DNAJA3: variants seen among roughly 807,000 people sequenced by gnomAD.
The protein encoded by DNAJA3 is dnaJ homolog subfamily A member 3, mitochondrial.
In DNAJA3, 29 loss-of-function variants were observed where a neutral mutation model predicts 54.9. The observed-to-expected ratio is 0.53, with a 90% CI of 0.39 to 0.72. The LOEUF is 0.72. DNAJA3 is among the 30% of genes least tolerant of loss of function. DNAJA3 has a pLI of 0.00. For synonymous variants in DNAJA3, 302 were observed against 251.4 expected (o/e 1.20, Z -1.90); for missense variants, 708 against 639.4 (o/e 1.11, Z -1.16).
intron 3 of DNAJA3, chr16:4,440,972 T>G (rs2056830083): frequency 5.0e-6 from 1 of 201,844 alleles, no homozygotes; most frequent in Non-Finnish European, 1.0e-5. Context: ...ACTCCGGTTG[T>G]TCTGGCTTGC....
rs1248556900 is a variant in DNAJA3 at position 4,446,955 on chromosome 16, C to G, written c.1066C>G (p.Gln356Glu). Residue 356 changes from glutamine to glutamate, a missense_variant, in exon 8 of 12, where the codon CAG becomes GAG. Transcript: ENST00000262375. ...IHSDLFISIAQALLGGTARAQ... is the reference protein window; with the variant it reads ...IHSDLFISIAEALLGGTARAQ... ...CTCCGACCTCTTTATTTCTATAGCT[C>G]AGGCTCTTCTTGGGGGTACAGCCAG... 6.2e-7 allele frequency: 1 copy of G among 1,614,084 alleles called. No homozygotes were observed. The highest frequency in any genetic ancestry group is 8.5e-7 in the Non-Finnish European group (1 of 1,180,048).
intron 1 of DNAJA3, chr16:4,430,918 C>G (rs1286906047): frequency 6.6e-6 from 1 of 151,952 alleles, no homozygotes; most frequent in East Asian, 1.9e-4. Flanking sequence ...GTGGTGTGCG[C>G]CTATAGTCCT....
In DNAJA3 at chr16:4,426,062, C is replaced by T; in HGVS notation, c.181C>T (p.Leu61=). The change falls in exon 1 of 12, where the codon CTG becomes TTG. Residue 61 remains leucine (L), a synonymous_variant. Transcript: ENST00000262375. The stretch of plus-strand genomic sequence containing the variant: ...GACCTCTTGCGGCCCCCGAGCGCTG[C>T]TGACATTGAGACCTGGTGTCAGCCT... ...SLTSCGPRAL[L]TLRPGVSLTG... The T allele has an allele frequency of 1.2e-6, 2 of 1,602,566 alleles. No homozygotes were observed. Among genetic ancestry groups the T allele is most frequent in the Non-Finnish European group, 1.7e-6 (2 of 1,175,128 alleles).
intron 1 of DNAJA3, chr16:4,431,494 C>T (rs954420459): frequency 6.6e-6 from 1 of 152,156 alleles, no homozygotes; most frequent in Non-Finnish European, 1.5e-5. Flanking sequence ...TTTACCTGGC[C>T]TCCTACTTGG....
At chr16:4,448,666 T>G in intron 8 of DNAJA3, 67 bp from the exon 9 acceptor site, 2 of 1,068,598 alleles carry the variant, frequency 1.9e-6, no homozygotes, top group Non-Finnish European at 2.9e-6. Context: ...ATTGTCTTCA[T>G]GTAGTGAAAA....
intron 1 of DNAJA3, among the ~76,000 whole-genome samples, chr16:4,428,102 C>T (rs1352850939): frequency 3.9e-5 from 1 of 25,882 alleles, no homozygotes; most frequent in Non-Finnish European, 1.7e-4. Flanking sequence ...CAGGCGCCCG[C>T]CACCACGCCC....
At position 4,443,012 on chromosome 16, in the gene DNAJA3, A is replaced by G. The variant is rs2056855328; in HGVS notation, c.784-5A>G. ...TTAGGTTACCATTTTTCTTGTTTTT[A>G]TCAGGAAACCATCAACACAGGCCCT... On this transcript the variant is annotated splice_polypyrimidine_tract_variant and splice_region_variant and intron_variant, in intron 5 of 11. Coordinates refer to ENST00000262375, the MANE Select transcript of DNAJA3 (RefSeq NM_005147.6). 1.2e-6 allele frequency: 2 copies of G among 1,605,098 alleles called. No homozygotes were observed. The highest frequency in any genetic ancestry group is 2.2e-5 in the East Asian group (1 of 44,856).
Position 4,425,868 on chromosome 16 carries a change from G to A in DNAJA3, c.-14G>A, listed in dbSNP as rs1355859010. ...TAGAGCCGGGCGGCGCAGGCGCAGA[G>A]TCCCCGGGCCAAGATGGCTGCGCGG... On this transcript the variant is annotated 5_prime_UTR_variant, in exon 1 of 12. Transcript: ENST00000262375. 6.6e-7 allele frequency: 1 copy of A among 1,516,904 alleles called. No homozygotes were observed. Among genetic ancestry groups the A allele is most frequent in the South Asian group, 1.2e-5 (1 of 82,122 alleles). The allele number at this position is 1,516,904 out of a possible 1,614,324, so 94.0% of individuals were successfully genotyped here.
chr16:4,435,424 C>G (rs962694032), intron 2 of DNAJA3, among the ~76,000 whole-genome samples: 2 of 152,118 alleles, frequency 1.3e-5, no homozygotes, highest in Non-Finnish European at 2.9e-5. Context: ...TCACCACAGT[C>G]AACTTTAGGA....
chr16:4,434,497 A>C lies in DNAJA3; in HGVS notation c.325A>C (p.Ile109Leu). The part of the protein sequence containing the change: ...GVPRNASQKE[I>L]KKAYYQLAKK... ...GCCTCGAAATGCCAGCCAGAAAGAG[A>C]TCAAGAAAGCCTATTATCAGGTCTG... The change falls in exon 2 of 12, where the codon ATC becomes CTC. Residue 109 changes from isoleucine (I) to leucine (L), a missense_variant. By Grantham distance (5) the Ile-to-Leu change is conservative. Coordinates refer to ENST00000262375, the MANE Select transcript of DNAJA3 (RefSeq NM_005147.6). 6.2e-7 allele frequency: 1 copy of C among 1,612,728 alleles called. No homozygotes were observed. Among genetic ancestry groups the C allele is most frequent in the Non-Finnish European group, 8.5e-7 (1 of 1,179,712 alleles).
At chr16:4,434,595 G>GC (rs2056749456) in intron 2 of DNAJA3, 78 bp downstream of exon 2, 10 of 1,530,324 alleles carry the variant, frequency 6.5e-6, no homozygotes, top group Admixed American at 2.0e-5. Flanking sequence ...GATCAGTACA[G>GC]CGTATGTGCC....
chr16:4,450,300 T>C (rs1029580925), intron 9 of DNAJA3, 100 bp from the exon 10 acceptor site: 188 of 923,842 alleles, frequency 2.0e-4, no homozygotes, highest in Admixed American at 3.2e-4. Flanking sequence ...CAAGGTTGGG[T>C]CCCTCTCTTC....
chr16:4,429,878 T>TAG (rs1275898540), intron 1 of DNAJA3, among the ~76,000 whole-genome samples: 4 of 151,866 alleles, frequency 2.6e-5, no homozygotes, highest in African/African-American at 9.7e-5. Context: ...CTGCCTGTAC[T>TAG]CCCAGCTGCT....
chr16:4,451,927 G>T (rs1282439824), intron 10 of DNAJA3, among the ~76,000 whole-genome samples: 1 of 151,256 alleles, frequency 6.6e-6, no homozygotes, highest in East Asian at 1.9e-4. Context: ...AAAACTAGCG[G>T]GGCATGGTGG....
rs1435329615 is a variant in DNAJA3, at chr16:4,455,548, A to G, written c.*16A>G. The G allele has an allele frequency of 4.5e-6, 7 of 1,551,726 alleles. No individual in the cohort carries two copies. The highest frequency in any genetic ancestry group is 5.2e-6 in the Non-Finnish European group (6 of 1,147,000). On this transcript the variant is annotated splice_region_variant and 3_prime_UTR_variant, in exon 12 of 12. Transcript: ENST00000262375. ...AACAGCCTATCTCTTTGGCTCAGGAAAAAGATCCACTGGAAACTAGGCCGG... is the reference window on the plus strand; with the variant it reads ...AACAGCCTATCTCTTTGGCTCAGGAGAAAGATCCACTGGAAACTAGGCCGG...
At chr16:4,428,343 G>C (rs566806564) in intron 1 of DNAJA3, among the ~76,000 whole-genome samples, 1 of 152,182 alleles carries the variant, frequency 6.6e-6, no homozygotes, top group Non-Finnish European at 1.5e-5. Context: ...AAGATGCTGG[G>C]CTTATAGGTG....
chr16:4,436,960 CAG>C (rs1408746605), intron 2 of DNAJA3, among the ~76,000 whole-genome samples: 1 of 152,050 alleles, frequency 6.6e-6, no homozygotes, highest in Non-Finnish European at 1.5e-5. Flanking sequence ...TACATTAAAA[CAG>C]ATCATTATTA....
intron 8 of DNAJA3, among the ~76,000 whole-genome samples, chr16:4,448,283 C>G (rs138287118): frequency 1.3e-3 from 196 of 151,618 alleles, no homozygotes; most frequent in African/African-American, 4.6e-3. Flanking sequence ...CCTCAGCCCC[C>G]CAAAGTGCTG....
chr16:4,437,492 T>A lies in DNAJA3; in HGVS notation c.429+7T>A. 1 of 1,612,100 alleles carries A rather than the reference T, an allele frequency of 6.2e-7. No individual in the cohort carries two copies. The highest frequency in any genetic ancestry group is 8.5e-7 in the Non-Finnish European group (1 of 1,178,260). ...GCTGGCAGAAGCCTATGAGGTAATA[T>A]GACTTCGGTGCATGCGGTCACTGCT... On this transcript the variant is annotated splice_region_variant and intron_variant, in intron 3 of 11. Coordinates refer to ENST00000262375, the MANE Select transcript of DNAJA3 (RefSeq NM_005147.6).
Sources: gnomAD v4.1 joint callset for allele counts (sites outside exome capture counted in the v4.1 genomes callset) on GRCh38, gnomAD v4.1.1 for gene constraint, MANE v1.5 for transcripts, NCBI Gene and HGNC (gene_info 2026-07-23, HGNC 2026-07-21) for gene names.